RABGEF1: variants seen among roughly 807,000 people sequenced by gnomAD.
RABGEF1 encodes the protein RAB guanine nucleotide exchange factor 1.
Under a neutral mutation model 57.3 loss-of-function variants are expected in RABGEF1, and 26 were observed. That is an observed-to-expected ratio of 0.45 (90% CI 0.33 to 0.63). RABGEF1 has a LOEUF of 0.63. RABGEF1 is among the 20% of genes least tolerant of loss of function. The pLI is 0.02. For missense variants in RABGEF1, 464 were observed against 607.6 expected, an observed-to-expected ratio of 0.76 and a Z score of 2.48; for synonymous variants, 185 against 210.7, an observed-to-expected ratio of 0.88 and a Z score of 1.06.
chr7:66,780,284 A>G (rs1809585208), intron 3 of RABGEF1, among the ~76,000 whole-genome samples: 2 of 152,204 alleles, frequency 1.3e-5, no homozygotes, highest in South Asian at 4.1e-4. Context: ...TTTGGATTTA[A>G]GCGCACAGAC....
chr7:66,684,556 G>A (rs932790395), intron 1 of RABGEF1, among the ~76,000 whole-genome samples: 7 of 152,214 alleles, frequency 4.6e-5, no homozygotes, highest in African/African-American at 1.4e-4. Flanking sequence ...CCAGGCTTAA[G>A]TGATTCTCTT....
intron 1 of RABGEF1, among the ~76,000 whole-genome samples, chr7:66,694,367 G>A (rs191776456): frequency 1.0e-3 from 156 of 152,352 alleles, no homozygotes; most frequent in African/African-American, 3.6e-3. Flanking sequence ...AGTGATGGTC[G>A]GGAGAAGATG....
intron 8 of RABGEF1, among the ~76,000 whole-genome samples, chr7:66,806,843 C>T (rs2129194262): frequency 6.6e-6 from 1 of 152,098 alleles, no homozygotes; most frequent in African/African-American, 2.4e-5. Context: ...GGGGTTTCAC[C>T]TTGTTGGCCA....
intron 1 of RABGEF1, among the ~76,000 whole-genome samples, chr7:66,742,709 T>G (rs993754900): frequency 3.9e-5 from 6 of 152,098 alleles, no homozygotes; most frequent in South Asian, 4.1e-4. Flanking sequence ...TGTGCTGAAG[T>G]GATCCTCCCA....
At chr7:66,706,962 T>G (rs539557062) in intron 1 of RABGEF1, among the ~76,000 whole-genome samples, 98 of 151,172 alleles carry the variant, frequency 6.5e-4, no homozygotes, top group African/African-American at 2.4e-3. Context: ...TTTTTTGGTA[T>G]TTTTAGTAGA....
chr7:66,675,928 A>C, the RABGEF1 span, among the ~76,000 whole-genome samples: 1 of 152,190 alleles, frequency 6.6e-6, no homozygotes, highest in Non-Finnish European at 1.5e-5. Flanking sequence ...TAATCAAAGA[A>C]GACAAATAAA....
At chr7:66,754,569 C>T (rs939341831) in intron 1 of RABGEF1, among the ~76,000 whole-genome samples, 1 of 151,226 alleles carries the variant, frequency 6.6e-6, no homozygotes, top group African/African-American at 2.4e-5. Context: ...CAGGGTGAGA[C>T]CTTGTAGCTA....
rs568816170 is a variant in RABGEF1, at chr7:66,711,950, T to C, written c.-872-217T>C. 4.6e-5 allele frequency among the ~76,000 whole-genome samples: 7 copies of C among 152,350 alleles called. No individual in the cohort carries two copies. The South Asian group carries it at 1.4e-3, about 32-fold the overall frequency. On this transcript the variant is annotated intron_variant and NMD_transcript_variant, in intron 1 of 9. Transcript: ENST00000607882. ...TTCCATGGTGTTGACCTGTGTCTCA[T>C]TGCCAATACTACACTGTCTTAATTA...
At chr7:66,755,155 G>C (rs1338665300) in intron 1 of RABGEF1, among the ~76,000 whole-genome samples, 1 of 152,148 alleles carries the variant, frequency 6.6e-6, no homozygotes, top group Non-Finnish European at 1.5e-5. Flanking sequence ...TTAGCTGGGC[G>C]TGGTGGCAGG....
chr7:66,707,146 T>C (rs1024319062), intron 1 of RABGEF1, among the ~76,000 whole-genome samples: 1 of 152,224 alleles, frequency 6.6e-6, no homozygotes, highest in Non-Finnish European at 1.5e-5. Flanking sequence ...TTTCCAAATA[T>C]CTTTGTTATT....
chr7:66,688,495 T>C (rs928425029), intron 1 of RABGEF1, among the ~76,000 whole-genome samples: 8 of 152,090 alleles, frequency 5.3e-5, no homozygotes, highest in Non-Finnish European at 7.4e-5. Flanking sequence ...TTGTCCAGAG[T>C]ATATAGTGTA....
intron 4 of RABGEF1, among the ~76,000 whole-genome samples, chr7:66,788,482 C>T: frequency 6.6e-6 from 1 of 151,844 alleles, no homozygotes; most frequent in East Asian, 1.9e-4. Context: ...AAACACCCCT[C>T]ATTTTTTGGG....
intron 1 of RABGEF1, among the ~76,000 whole-genome samples, chr7:66,682,792 T>C (rs1220386856): frequency 6.6e-6 from 1 of 152,200 alleles, no homozygotes; most frequent in East Asian, 1.9e-4. Context: ...CCTATGGTCC[T>C]GACTTCCACC....
At chr7:66,738,542 C>T (rs568622418), upstream of RABGEF1, among the ~76,000 whole-genome samples, 33 of 151,806 alleles carry the variant, frequency 2.2e-4, no homozygotes, top group African/African-American at 7.5e-4. Flanking sequence ...CCAGCCAGGG[C>T]GACATGGCAA....
chr7:66,702,281 A>G (rs997550056), intron 1 of RABGEF1, among the ~76,000 whole-genome samples: 2 of 151,464 alleles, frequency 1.3e-5, no homozygotes, highest in East Asian at 1.9e-4. Flanking sequence ...ATAGACCACA[A>G]TTTGTTTATC....
intron 3 of RABGEF1, among the ~76,000 whole-genome samples, chr7:66,776,016 T>C (rs1808444917): frequency 6.6e-6 from 1 of 152,224 alleles, no homozygotes; most frequent in Non-Finnish European, 1.5e-5. Context: ...AAGTCACAGT[T>C]GTTCTACCAT....
chr7:66,807,274 G>A (rs1479902762), intron 8 of RABGEF1, among the ~76,000 whole-genome samples: 4 of 152,158 alleles, frequency 2.6e-5, no homozygotes, highest in African/African-American at 4.8e-5. Flanking sequence ...CAATGAAACT[G>A]CTCTGGCAAA....
intron 1 of RABGEF1, among the ~76,000 whole-genome samples, chr7:66,762,841 TCA>T (rs1017928560): frequency 3.9e-5 from 6 of 152,104 alleles, no homozygotes; most frequent in African/African-American, 1.2e-4. Context: ...TGAAGGCCTC[TCA>T]CAGTCTGATG....
At chr7:66,698,646 G>A (rs1431061791) in intron 1 of RABGEF1, among the ~76,000 whole-genome samples, 1 of 152,136 alleles carries the variant, frequency 6.6e-6, no homozygotes, top group African/African-American at 2.4e-5. Flanking sequence ...TCCCTGCAAG[G>A]CTGCGGTGAT....
Sources: gnomAD v4.1 joint callset for allele counts (sites outside exome capture counted in the v4.1 genomes callset) on GRCh38, gnomAD v4.1.1 for gene constraint, MANE v1.5 for transcripts, NCBI Gene and HGNC (gene_info 2026-07-23, HGNC 2026-07-21) for gene names.